Variants in TAX1BP1 observed in about 807,000 individuals in gnomAD.
TAX1BP1 encodes the protein tax1-binding protein 1.
TAX1BP1 carries 62 observed loss-of-function variants against 97.7 expected under a neutral mutation model. That is an observed-to-expected ratio of 0.63 (90% confidence interval 0.52 to 0.78). The LOEUF (loss-of-function observed/expected upper bound fraction) is 0.78. Among genes scored for constraint, TAX1BP1 ranks in the 30% least tolerant of loss-of-function variants. TAX1BP1 has a pLI of 0.00. For synonymous variants in TAX1BP1, 340 were observed against 304.2 expected (o/e 1.12, Z -1.23); for missense variants, 867 against 916.1 (o/e 0.95, Z 0.69).
At chr7:27,766,104 G>T (rs1788623297) in intron 4 of TAX1BP1, 83 bp downstream of exon 4, 2 of 1,411,024 alleles carry the variant, frequency 1.4e-6, no homozygotes, top group Non-Finnish European at 1.9e-6. Flanking sequence ...GAATTTTAAG[G>T]TTATGTGAGA....
In TAX1BP1 at chr7:27,792,022, T is replaced by C; in HGVS notation, c.1055T>C (p.Leu352Ser). The C allele has an allele frequency of 6.2e-7, 1 of 1,614,058 alleles. No individual in the cohort carries two copies. Residue 352 changes from leucine (L) to serine (S), a missense_variant, in exon 9 of 17, where the codon TTA becomes TCA. Coordinates refer to ENST00000396319, the MANE Select transcript of TAX1BP1 (RefSeq NM_006024.7). ...TTTCTTCAGGAAGATACTTGTTTTT[T>C]AAAGGAGCAACTTCGTAAAGCAGAG... ...TTSSKEDTCFLKEQLRKAEEQ... is the reference protein window; with the variant it reads ...TTSSKEDTCFSKEQLRKAEEQ...
chr7:27,811,302 T>G (rs147205155), intron 13 of TAX1BP1, among the ~76,000 whole-genome samples: 156 of 152,332 alleles, frequency 1.0e-3, no homozygotes, highest in Non-Finnish European at 1.7e-3. Flanking sequence ...TGGACGTGTA[T>G]GTTATGTATG....
In TAX1BP1 at chr7:27,821,436, G is replaced by C. The variant is rs533280935; in HGVS notation, c.2085+4398G>C. ...ACTTGAGGTCAGGAGTTCGAGACCA[G>C]CCTGGCCAACATGGCAAAACCCCAT... On this transcript the variant is annotated intron_variant, in intron 15 of 16. Transcript: ENST00000396319. Among the ~76,000 whole-genome samples the C allele has an allele frequency of 2.0e-5, 3 of 152,082 alleles. No homozygotes were observed. The East Asian group carries it at 5.8e-4, about 29-fold the overall frequency.
intron 1 of TAX1BP1, 79 bp from the exon 2 acceptor site, chr7:27,748,439 T>G: frequency 1.0e-6 from 1 of 976,540 alleles, no homozygotes; most frequent in Admixed American, 3.7e-5. Context: ...GAAACTTATA[T>G]TAAATATTAT....
At chr7:27,751,366 G>A (rs1174210876) in intron 2 of TAX1BP1, among the ~76,000 whole-genome samples, 2 of 151,988 alleles carry the variant, frequency 1.3e-5, no homozygotes, top group East Asian at 1.9e-4. Flanking sequence ...TAACATATTG[G>A]TATATAGCTA....
Position 27,828,755 on chromosome 7 carries a change from C to T in TAX1BP1, c.2296C>T (p.Pro766Ser). The change falls in exon 17 of 17, where the codon CCT becomes TCT. Residue 766 changes from proline to serine, a missense_variant. Coordinates refer to ENST00000396319, the MANE Select transcript of TAX1BP1 (RefSeq NM_006024.7). ...CCCGATGTGCAGCGAGCAGTTCCCT[C>T]CTGACTATGACCAGCAGGTGTTTGA... ...VCPMCSEQFP[P>S]DYDQQVFERH... The T allele has an allele frequency of 5.0e-6, 8 of 1,614,012 alleles. No individual in the cohort carries two copies. Among genetic ancestry groups the T allele is most frequent in the Non-Finnish European group, 6.8e-6 (8 of 1,179,988 alleles).
chr7:27,803,793 A>C lies in TAX1BP1; in HGVS notation c.1764+3703A>C, dbSNP rs911450004. On this transcript the variant is annotated intron_variant, in intron 13 of 16. Coordinates refer to ENST00000396319, the MANE Select transcript of TAX1BP1 (RefSeq NM_006024.7). ...TTTAGTATTCTGTGTGATTAAACGG[A>C]AAGTACCCCTAAAGTTCTTTTGTTG... 2.1e-4 allele frequency among the ~76,000 whole-genome samples: 32 copies of C among 152,376 alleles called. 1 individual carries two copies. Among genetic ancestry groups the C allele is most frequent in the Middle Eastern group, 6.8e-3 (2 of 294 alleles).
chr7:27,788,571 C>T (rs534304054), intron 8 of TAX1BP1, among the ~76,000 whole-genome samples: 1 of 152,176 alleles, frequency 6.6e-6, no homozygotes, highest in South Asian at 2.1e-4. Flanking sequence ...ACATTCCTGT[C>T]ACCCTTCCCT....
intron 15 of TAX1BP1, among the ~76,000 whole-genome samples, chr7:27,825,840 C>G (rs12112546): frequency 0.011 from 1,667 of 152,040 alleles, 29 homozygotes; most frequent in African/African-American, 0.036. Context: ...ACATTTTTGG[C>G]CCCTAGAAAA....
At chr7:27,751,986 G>T (rs1788038076) in intron 2 of TAX1BP1, among the ~76,000 whole-genome samples, 1 of 152,060 alleles carries the variant, frequency 6.6e-6, no homozygotes, top group East Asian at 1.9e-4. Context: ...AATGGGAAAA[G>T]TTAGTTTGGA....
intron 13 of TAX1BP1, among the ~76,000 whole-genome samples, chr7:27,815,866 T>G (rs1790747265): frequency 6.6e-6 from 1 of 152,112 alleles, no homozygotes; most frequent in Non-Finnish European, 1.5e-5. Context: ...AAACCCTGTC[T>G]CTACTAAAAA....
intron 8 of TAX1BP1, among the ~76,000 whole-genome samples, chr7:27,788,342 T>C (rs1789569597): frequency 6.6e-6 from 1 of 152,058 alleles, no homozygotes; most frequent in Non-Finnish European, 1.5e-5. Context: ...CCTGTCTCTA[T>C]ATAGGTGCCT....
chr7:27,748,591 G>A lies in TAX1BP1; in HGVS notation c.67G>A (p.Ala23Thr). Residue 23 changes from alanine to threonine, a missense_variant, in exon 2 of 17, where the codon GCC (alanine) becomes ACC (threonine). Coordinates refer to ENST00000396319, the MANE Select transcript of TAX1BP1 (RefSeq NM_006024.7). Reference sequence around the variant, plus strand: ...TGCCCATGTCATCTTTCAAAATGTGGCCAAGAGTTACCTTCCTAATGCACA... The same window carrying A: ...TGCCCATGTCATCTTTCAAAATGTGACCAAGAGTTACCTTCCTAATGCACA... Reference protein sequence around the residue: ...NFAHVIFQNVAKSYLPNAHLE... With the variant: ...NFAHVIFQNVTKSYLPNAHLE... The A allele has an allele frequency of 6.2e-7, 1 of 1,605,242 alleles. No homozygotes were observed. Among genetic ancestry groups the A allele is most frequent in the Non-Finnish European group, 8.5e-7 (1 of 1,175,108 alleles).
chr7:27,794,390 A>G lies in TAX1BP1; in HGVS notation c.1478A>G (p.Asn493Ser). Reference protein sequence around the residue: ...NQQKVNDASVNTDPATSASTV... With the variant: ...NQQKVNDASVSTDPATSASTV... ...CAGAAAGTGAATGATGCTTCAGTAAACACAGACCCAGCCACTTCTGCCTCT... is the reference window on the plus strand; with the variant it reads ...CAGAAAGTGAATGATGCTTCAGTAAGCACAGACCCAGCCACTTCTGCCTCT... Residue 493 changes from asparagine (N) to serine (S), a missense_variant, in exon 11 of 17, where the codon AAC (asparagine) becomes AGC (serine). Coordinates refer to ENST00000396319, the MANE Select transcript of TAX1BP1 (RefSeq NM_006024.7). The G allele has an allele frequency of 6.2e-7, 1 of 1,613,424 alleles. No homozygotes were observed. Among genetic ancestry groups the G allele is most frequent in the South Asian group, 1.1e-5 (1 of 90,886 alleles).
At chr7:27,791,252 AT>A (rs988509800) in intron 8 of TAX1BP1, among the ~76,000 whole-genome samples, 2 of 152,016 alleles carry the variant, frequency 1.3e-5, no homozygotes, top group African/African-American at 4.8e-5. Context: ...ATTGGGTTGC[AT>A]TTTTTTCCTG....
At position 27,785,396 on chromosome 7, in the gene TAX1BP1, T is replaced by C. The variant is rs373269158; in HGVS notation, c.762-3T>C. On this transcript the variant is annotated splice_polypyrimidine_tract_variant and splice_region_variant and intron_variant, in intron 6 of 16. Coordinates refer to ENST00000396319, the MANE Select transcript of TAX1BP1 (RefSeq NM_006024.7). ...TAATGTTACTTTATCATACCTATCT[T>C]AGTTTAAAGGACAAACTCAAGAAGG... 2.1e-4 allele frequency: 336 copies of C among 1,608,710 alleles called. No individual in the cohort carries two copies. The African/African-American group carries it at 3.9e-3, about 18-fold the overall frequency.
intron 1 of TAX1BP1, among the ~76,000 whole-genome samples, chr7:27,741,500 T>C (rs1393973154): frequency 7.0e-6 from 1 of 143,170 alleles, no homozygotes; most frequent in Non-Finnish European, 1.5e-5. Flanking sequence ...CATCACGTTC[T>C]TTTTTTTTTT....
intron 9 of TAX1BP1, 61 bp from the exon 10 acceptor site, chr7:27,793,005 C>T (rs945867135): frequency 1.3e-5 from 18 of 1,404,348 alleles, no homozygotes; most frequent in Admixed American, 7.5e-5. Flanking sequence ...GTTGGGGTTA[C>T]TATTAACATT....
chr7:27,790,985 A>G (rs1028400409), intron 8 of TAX1BP1, among the ~76,000 whole-genome samples: 1 of 152,068 alleles, frequency 6.6e-6, no homozygotes, highest in African/African-American at 2.4e-5. Flanking sequence ...TTGTATGTTC[A>G]TGACTTTTGA....
Sources: gnomAD v4.1 joint callset for allele counts (sites outside exome capture counted in the v4.1 genomes callset) on GRCh38, gnomAD v4.1.1 for gene constraint, MANE v1.5 for transcripts, NCBI Gene and HGNC (gene_info 2026-07-23, HGNC 2026-07-21) for gene names.